Variants in CACNA1S observed in about 807,000 individuals in gnomAD.
The protein encoded by CACNA1S is calcium voltage-gated channel subunit alpha1 S.
Under a neutral mutation model 207.4 loss-of-function variants are expected in CACNA1S, and 126 were observed. The observed-to-expected ratio is 0.61, with a 90% CI of 0.53 to 0.70. The LOEUF (loss-of-function observed/expected upper bound fraction) is 0.70, where lower values mean the gene tolerates loss of function less well. Ranked by LOEUF, CACNA1S falls within the 30% of genes least tolerant of loss-of-function variation. The pLI is 0.00. For missense variants in CACNA1S, 2,349 were observed against 2,422.8 expected, an observed-to-expected ratio of 0.97 and a Z score of 0.64; for synonymous variants, 960 against 932.7, an observed-to-expected ratio of 1.03 and a Z score of -0.53.
intron 28 of CACNA1S, among the ~76,000 whole-genome samples, chr1:201,055,010 C>T (rs1403691899): frequency 6.6e-6 from 1 of 152,184 alleles, no homozygotes; most frequent in Non-Finnish European, 1.5e-5. Context: ...GTCCCATCTC[C>T]CAGGGGCACA....
chr1:201,079,420 A>T (rs1661762883), intron 10 of CACNA1S, among the ~76,000 whole-genome samples: 1 of 151,938 alleles, frequency 6.6e-6, no homozygotes, highest in Non-Finnish European at 1.5e-5. Context: ...TTGCTTTTTC[A>T]AGCATTCTGT....
In CACNA1S at chr1:201,062,712, C is replaced by A. The variant is rs535987356; in HGVS notation, c.2854-198G>T. On this transcript the variant is annotated intron_variant, in intron 22 of 43. Transcript: ENST00000362061. ...CCCCAGAGCAGCCTCCTTTCTTCACCATCGTTCATTCCCACAGCTCCCCCA... is the reference window on the plus strand; with the variant it reads ...CCCCAGAGCAGCCTCCTTTCTTCACAATCGTTCATTCCCACAGCTCCCCCA... Among the ~76,000 whole-genome samples the A allele has an allele frequency of 3.0e-3, 463 of 152,362 alleles. 2 individuals are homozygous for A. The highest frequency in any genetic ancestry group is 4.2e-3 in the Non-Finnish European group (286 of 68,036).
intron 28 of CACNA1S, among the ~76,000 whole-genome samples, chr1:201,057,171 A>G (rs1029169348): frequency 5.3e-5 from 8 of 152,246 alleles, no homozygotes; most frequent in Non-Finnish European, 7.3e-5. Flanking sequence ...TCAAGGGCCT[A>G]GATGATCTGG....
chr1:201,059,114 G>C, intron 27 of CACNA1S, 75 bp downstream of exon 27: 3 of 910,850 alleles, frequency 3.3e-6, no homozygotes, highest in East Asian at 4.9e-5. Flanking sequence ...ATGAGGGATG[G>C]GGGTGGATGT....
intron 2 of CACNA1S, among the ~76,000 whole-genome samples, chr1:201,103,082 A>G (rs573609085): frequency 1.3e-5 from 2 of 152,168 alleles, no homozygotes; most frequent in East Asian, 3.9e-4. Flanking sequence ...TGTCTCTACT[A>G]AAAACAAAAA....
At chr1:201,052,206 G>T (rs1351269190) in intron 32 of CACNA1S, among the ~76,000 whole-genome samples, 1 of 152,218 alleles carries the variant, frequency 6.6e-6, no homozygotes, top group Admixed American at 6.5e-5. Flanking sequence ...GCCTTTCCCT[G>T]CATTCCTGCT....
intron 3 of CACNA1S, among the ~76,000 whole-genome samples, chr1:201,093,000 T>C (rs565757412): frequency 3.4e-4 from 52 of 152,288 alleles, no homozygotes; most frequent in African/African-American, 1.1e-3. Flanking sequence ...TCCTTATTTA[T>C]AAAATGAGGG....
intron 10 of CACNA1S, among the ~76,000 whole-genome samples, chr1:201,079,119 C>CAA (rs149794288): frequency 0.041 from 5,134 of 124,866 alleles, 231 homozygotes; most frequent in African/African-American, 0.1. Context: ...GACTCCATCT[C>CAA]AAAAAAAAAA....
At chr1:201,063,233 C>T (rs1661128774) in intron 22 of CACNA1S, among the ~76,000 whole-genome samples, 1 of 151,054 alleles carries the variant, frequency 6.6e-6, no homozygotes, top group Admixed American at 6.6e-5. Flanking sequence ...GCAGTTACTC[C>T]TTTTATCTGT....
In CACNA1S at chr1:201,084,203, C is replaced by T. The variant is rs150817825; in HGVS notation, c.1232+747G>A. Among the ~76,000 whole-genome samples the T allele has an allele frequency of 7.2e-3, 1,101 of 152,324 alleles. 7 individuals are homozygous for T. Among genetic ancestry groups the T allele is most frequent in the Non-Finnish European group, 0.012 (821 of 68,040 alleles). ...ATTTGACAAATATTTGGCAACACCT[C>T]ATATGTGCTAGGCACTCTTCTAGTC... On this transcript the variant is annotated intron_variant, in intron 9 of 43. Coordinates refer to ENST00000362061, the MANE Select transcript of CACNA1S (RefSeq NM_000069.3).
intron 2 of CACNA1S, among the ~76,000 whole-genome samples, chr1:201,098,771 G>A (rs7538060): frequency 0.42 from 64,388 of 152,066 alleles, 15,477 homozygotes; most frequent in Non-Finnish European, 0.54. Flanking sequence ...CTGAGCTCAG[G>A]GGAGGACAGT....
chr1:201,077,820 C>A, intron 11 of CACNA1S, 59 bp downstream of exon 11: 1 of 1,211,894 alleles, frequency 8.3e-7, no homozygotes, highest in South Asian at 1.3e-5. Flanking sequence ...GGGTGTAGAC[C>A]AGACCAGCCC....
intron 15 of CACNA1S, 127 bp downstream of exon 15, chr1:201,073,422 T>G: frequency 1.2e-6 from 1 of 808,516 alleles, no homozygotes; most frequent in Non-Finnish European, 2.2e-6. Flanking sequence ...CGCAGGGAGA[T>G]GCCCTCACCT....
chr1:201,058,626 C>T (rs1285293894), intron 27 of CACNA1S, 135 bp from the exon 28 acceptor site: 2 of 714,834 alleles, frequency 2.8e-6, no homozygotes, highest in East Asian at 2.7e-5. Flanking sequence ...CCCATGACTC[C>T]ACCTCCCACT....
At position 201,091,620 on chromosome 1, in the gene CACNA1S, C is replaced by T; in HGVS notation, c.694+20G>A. ...CATCCTAGGCCCTGCCCCACAGCCC[C>T]ACTTTCCCTGGGAGCTCACCTGTAC... On this transcript the variant is annotated intron_variant, in intron 5 of 43. Coordinates refer to ENST00000362061, the MANE Select transcript of CACNA1S (RefSeq NM_000069.3). 3 of 1,614,092 alleles carry T rather than the reference C, an allele frequency of 1.9e-6. No individual in the cohort carries two copies. The highest frequency in any genetic ancestry group is 2.5e-6 in the Non-Finnish European group (3 of 1,179,948).
chr1:201,093,717 T>C (rs1386671719), intron 3 of CACNA1S, among the ~76,000 whole-genome samples, 165 bp downstream of exon 3: 1 of 152,162 alleles, frequency 6.6e-6, no homozygotes, highest in Non-Finnish European at 1.5e-5. Context: ...TCCACCAACA[T>C]GGACAGCTCC....
At chr1:201,111,909 C>T (rs1472793027) in intron 1 of CACNA1S, among the ~76,000 whole-genome samples, 3 of 76,258 alleles carry the variant, frequency 3.9e-5, no homozygotes, top group Non-Finnish European at 8.4e-5. Context: ...AGTCCTCCTT[C>T]TCTTCCTCTT....
intron 2 of CACNA1S, among the ~76,000 whole-genome samples, chr1:201,099,588 C>A (rs1662563673): frequency 6.6e-6 from 1 of 152,158 alleles, no homozygotes; most frequent in Non-Finnish European, 1.5e-5. Flanking sequence ...TGCATGGAGG[C>A]AAGGTGGATT....
intron 10 of CACNA1S, among the ~76,000 whole-genome samples, chr1:201,082,651 G>C (rs1661877609): frequency 6.6e-6 from 1 of 152,146 alleles, no homozygotes; most frequent in Non-Finnish European, 1.5e-5. Flanking sequence ...ATTAAGATCA[G>C]TCTTCCCCTC....
Sources: allele counts gnomAD v4.1 joint callset (sites outside exome capture counted in the v4.1 genomes callset), GRCh38; gene constraint gnomAD v4.1.1; transcripts MANE v1.5; gene names NCBI Gene and HGNC (gene_info 2026-07-23, HGNC 2026-07-21).